Variants in FER1L6 observed in about 807,000 individuals in gnomAD.
FER1L6 encodes the protein fer-1 like family member 6.
Under a neutral mutation model 219.2 loss-of-function variants are expected in FER1L6, and 177 were observed. The ratio of observed to expected loss-of-function variants is 0.81; its 90% CI spans 0.71 to 0.91. The LOEUF is 0.91. Among genes scored for constraint, FER1L6 ranks in the 40% least tolerant of loss-of-function variants. FER1L6 has a pLI of 0.00. For missense variants in FER1L6, 2,153 were observed against 2,259.9 expected, an observed-to-expected ratio of 0.95 and a Z score of 0.96; for synonymous variants, 768 against 824.3, an observed-to-expected ratio of 0.93 and a Z score of 1.17.
chr8:124,021,570 C>A lies in FER1L6; in HGVS notation c.2034C>A (p.Ala678=). 6.2e-7 allele frequency: 1 copy of A among 1,614,040 alleles called. No individual in the cohort carries two copies. Among genetic ancestry groups the A allele is most frequent in the Non-Finnish European group, 8.5e-7 (1 of 1,179,972 alleles). The stretch of plus-strand genomic sequence containing the variant: ...TTTAGGAAGCAATGTGCAAGGAGGC[C>A]AAGGGGATCATTCAGCAGCAGAAGA... The part of the protein sequence containing the change: ...WQELEAMCKE[A]KGIIQQQKKK... Residue 678 remains alanine (A), a synonymous_variant, in exon 17 of 41, where the codon GCC becomes GCA. Transcript: ENST00000522917.
At chr8:124,034,457 A>T (rs373106954) in intron 18 of FER1L6, among the ~76,000 whole-genome samples, 6 of 152,236 alleles carry the variant, frequency 3.9e-5, no homozygotes, top group Non-Finnish European at 2.9e-5. Context: ...ACATAAGTAC[A>T]TGCACACACA....
intron 1 of FER1L6, among the ~76,000 whole-genome samples, chr8:123,869,138 A>G (rs910033841): frequency 1.3e-5 from 2 of 152,220 alleles, no homozygotes; most frequent in East Asian, 1.9e-4. Context: ...TAAAAGTAGA[A>G]AAAACAAAGG....
At chr8:123,961,880 CTTT>C (rs1295109025) in intron 2 of FER1L6, among the ~76,000 whole-genome samples, 3 of 129,192 alleles carry the variant, frequency 2.3e-5, no homozygotes, top group Non-Finnish European at 5.0e-5. Flanking sequence ...TGTTTGTTTT[CTTT>C]TTTTTTTTTT....
In FER1L6 at chr8:124,097,378, C is replaced by G. The variant is rs1351320934; in HGVS notation, c.4784+19C>G. 4 of 1,558,106 alleles carry G rather than the reference C, an allele frequency of 2.6e-6. No individual in the cohort carries two copies. The highest frequency in any genetic ancestry group is 2.7e-6 in the Non-Finnish European group (3 of 1,131,828). The stretch of plus-strand genomic sequence containing the variant: ...CCAAAGGGTATGTCAGCTGTAGCCC[C>G]AGCTTCAGGGGAAGAGACCAGGGTA... On this transcript the variant is annotated intron_variant, in intron 36 of 40. Transcript: ENST00000522917.
At chr8:124,074,942 A>G (rs1164316025) in intron 31 of FER1L6, among the ~76,000 whole-genome samples, 1 of 152,174 alleles carries the variant, frequency 6.6e-6, no homozygotes, top group Non-Finnish European at 1.5e-5. Flanking sequence ...AAAAGATTTG[A>G]AAAAAATGGT....
intron 18 of FER1L6, among the ~76,000 whole-genome samples, chr8:124,026,508 A>C (rs1486806314): frequency 6.6e-6 from 1 of 152,104 alleles, no homozygotes; most frequent in African/African-American, 2.4e-5. Context: ...GGTATAGGAG[A>C]GAGAGAGATC....
intron 1 of FER1L6, among the ~76,000 whole-genome samples, chr8:123,866,152 T>A (rs1237117659): frequency 2.0e-5 from 3 of 152,112 alleles, no homozygotes; most frequent in African/African-American, 4.8e-5. Context: ...TGAGGTCGAC[T>A]TTTTTAGATT....
chr8:124,023,425 A>T lies in FER1L6; in HGVS notation c.2134-19A>T. On this transcript the variant is annotated intron_variant, in intron 17 of 40. Transcript: ENST00000522917. ...CAAATCCCATTCCTATTCAATCCCA[A>T]CTCCCTCTATTCCCACAGCCCCAGC... The T allele has an allele frequency of 6.2e-7, 1 of 1,608,176 alleles. No homozygotes were observed. The highest frequency in any genetic ancestry group is 1.1e-5 in the South Asian group (1 of 90,498).
intron 33 of FER1L6, among the ~76,000 whole-genome samples, chr8:124,085,539 C>A (rs746256690): frequency 3.9e-5 from 6 of 151,994 alleles, no homozygotes; most frequent in Non-Finnish European, 5.9e-5. Context: ...TTCCAAAATT[C>A]TCTTGTTATC....
intron 32 of FER1L6, among the ~76,000 whole-genome samples, chr8:124,081,568 T>C (rs1214626287): frequency 6.7e-6 from 1 of 149,714 alleles, no homozygotes. Context: ...GTGTGTACTT[T>C]CTGCAGGTCA....
At chr8:123,985,127 T>TG (rs1370906591) in intron 11 of FER1L6, 1 of 152,224 alleles carries the variant, frequency 6.6e-6, no homozygotes, top group Non-Finnish European at 1.5e-5. Flanking sequence ...GTGGACTCCT[T>TG]GAGAAGGCAG....
chr8:123,865,589 A>G (rs1219795003), intron 1 of FER1L6, among the ~76,000 whole-genome samples: 17 of 150,902 alleles, frequency 1.1e-4, no homozygotes, highest in Middle Eastern at 3.4e-3. Context: ...CCTCGCTGCC[A>G]CCTTGCAGTT....
chr8:123,884,479 G>A (rs189696485), intron 1 of FER1L6, among the ~76,000 whole-genome samples: 1 of 152,314 alleles, frequency 6.6e-6, no homozygotes. Flanking sequence ...AAAGGCAGAG[G>A]CAGAATTGCT....
chr8:124,112,802 T>C (rs1242811128), intron 39 of FER1L6, among the ~76,000 whole-genome samples: 1 of 152,176 alleles, frequency 6.6e-6, no homozygotes, highest in Admixed American at 6.5e-5. Context: ...TGGTGGTAGA[T>C]AGATCATTTA....
chr8:124,066,442 T>C lies in FER1L6; in HGVS notation c.3570T>C (p.Pro1190=). 1 of 1,613,894 alleles carries C rather than the reference T, an allele frequency of 6.2e-7. No individual in the cohort carries two copies. The highest frequency in any genetic ancestry group is 8.5e-7 in the Non-Finnish European group (1 of 1,179,868). ...KDGKPKDPRK[P]SRRSTKRRKR... ...TCCCTTGCCAGGATCCCAGGAAGCCTTCCCGGAGGTCCACTAAGAGGAGAA... is the reference window on the plus strand; with the variant it reads ...TCCCTTGCCAGGATCCCAGGAAGCCCTCCCGGAGGTCCACTAAGAGGAGAA... Residue 1190 remains proline (P), a synonymous_variant, in exon 27 of 41, where the codon CCT becomes CCC. Coordinates refer to ENST00000522917, the MANE Select transcript of FER1L6 (RefSeq NM_001039112.2).
At chr8:123,951,545 G>A (rs1234627018) in intron 1 of FER1L6, among the ~76,000 whole-genome samples, 1 of 152,106 alleles carries the variant, frequency 6.6e-6, no homozygotes, top group African/African-American at 2.4e-5. Flanking sequence ...ACCCAGATAG[G>A]ACATCCTCAA....
chr8:124,055,309 A>G (rs1315581519), intron 22 of FER1L6, among the ~76,000 whole-genome samples: 1 of 152,084 alleles, frequency 6.6e-6, no homozygotes, highest in Non-Finnish European at 1.5e-5. Context: ...GTGGTGGTGG[A>G]GGCTGCAGTG....
chr8:123,941,049 G>C (rs540106263), intron 1 of FER1L6, among the ~76,000 whole-genome samples: 1 of 152,144 alleles, frequency 6.6e-6, no homozygotes, highest in Non-Finnish European at 1.5e-5. Context: ...TTCAATAAAC[G>C]TTTGTGGTGT....
intron 1 of FER1L6, among the ~76,000 whole-genome samples, chr8:123,892,737 T>C (rs1352566882): frequency 6.6e-6 from 1 of 152,224 alleles, no homozygotes; most frequent in Non-Finnish European, 1.5e-5. Flanking sequence ...TCTATTTTGT[T>C]GTATCAAGTG....
Sources: allele counts gnomAD v4.1 joint callset (sites outside exome capture counted in the v4.1 genomes callset), GRCh38; gene constraint gnomAD v4.1.1; transcripts MANE v1.5; gene names NCBI Gene and HGNC (gene_info 2026-07-23, HGNC 2026-07-21).